Variants in SLIT1 observed in about 807,000 individuals in gnomAD.
SLIT1 encodes the protein slit homolog 1 protein.
Under a neutral mutation model 186.1 loss-of-function variants are expected in SLIT1, and 66 were observed. The observed-to-expected ratio is 0.35, with a 90% CI of 0.29 to 0.44. SLIT1 has a LOEUF of 0.44. Among genes scored for constraint, SLIT1 ranks in the 20% least tolerant of loss-of-function variants. The pLI, the probability that SLIT1 is intolerant of heterozygous loss-of-function variation, is 1.00. For synonymous variants in SLIT1, 761 were observed against 833.8 expected (o/e 0.91, Z 1.50); for missense variants, 1,638 against 2,037.4 (o/e 0.80, Z 3.77).
At chr10:97,058,779 T>C (rs1368182586) in intron 11 of SLIT1, among the ~76,000 whole-genome samples, 1 of 152,150 alleles carries the variant, frequency 6.6e-6, no homozygotes, top group Non-Finnish European at 1.5e-5. Flanking sequence ...AAATGGCCCC[T>C]CCTACAGGGA....
At chr10:97,073,052 C>T (rs1433491045) in intron 4 of SLIT1, among the ~76,000 whole-genome samples, 2 of 152,246 alleles carry the variant, frequency 1.3e-5, no homozygotes, top group Admixed American at 1.3e-4. Context: ...AGAAGCCTTC[C>T]CTGGACCTGG....
intron 4 of SLIT1, among the ~76,000 whole-genome samples, chr10:97,135,095 T>C (rs1182149390): frequency 6.6e-6 from 1 of 151,984 alleles, no homozygotes; most frequent in African/African-American, 2.4e-5. Flanking sequence ...ATATCTGACG[T>C]AGGAAAAGCC....
chr10:97,062,217 G>A (rs1363084562), intron 8 of SLIT1, among the ~76,000 whole-genome samples: 2 of 150,770 alleles, frequency 1.3e-5, no homozygotes, highest in African/African-American at 2.4e-5. Context: ...ACACTCATAC[G>A]CACATCTGCA....
At chr10:97,124,160 TA>T (rs1265169673) in intron 4 of SLIT1, among the ~76,000 whole-genome samples, 5 of 152,238 alleles carry the variant, frequency 3.3e-5, no homozygotes, top group Non-Finnish European at 5.9e-5. Context: ...TGAGTATGCA[TA>T]ACCTTATAAA....
chr10:97,083,250 A>G (rs1849123480), intron 4 of SLIT1, among the ~76,000 whole-genome samples: 1 of 152,184 alleles, frequency 6.6e-6, no homozygotes, highest in African/African-American at 2.4e-5. Context: ...CTATTTTATT[A>G]AAAGTACTCT....
rs1848703287 is a variant in SLIT1, at chr10:97,043,038, T to C, written c.2027A>G (p.Asn676Ser). The change falls in exon 20 of 37, where the codon AAC becomes AGC. Residue 676 changes from asparagine to serine, a missense_variant. Transcript: ENST00000266058. This position sits in a 1 kb window ranked among gnomAD's most constrained non-coding sequence, Gnocchi z 7.0. ...LNLLANPFNC[N>S]CQLAWLGGWL... ...GCCTCCTAGCCAGGCCAGCTGGCAG[T>C]TGCAGTTGAAAGGGTTGGCCAGGAG... The C allele has an allele frequency of 1.9e-6, 3 of 1,614,166 alleles. No individual in the cohort carries two copies. The highest frequency in any genetic ancestry group is 1.7e-6 in the Non-Finnish European group (2 of 1,180,004).
intron 4 of SLIT1, among the ~76,000 whole-genome samples, chr10:97,081,743 G>A (rs963874163): frequency 6.6e-6 from 1 of 152,216 alleles, no homozygotes; most frequent in Non-Finnish European, 1.5e-5. Context: ...AAGGTTTCCA[G>A]TTGGCTGAGG....
At chr10:97,125,243 G>A (rs1849593915) in intron 4 of SLIT1, among the ~76,000 whole-genome samples, 2 of 151,986 alleles carry the variant, frequency 1.3e-5, no homozygotes, top group Non-Finnish European at 1.5e-5. Context: ...TGAGAACACA[G>A]AGTCAGACAA....
chr10:97,129,383 C>CA (rs57535501), intron 4 of SLIT1, among the ~76,000 whole-genome samples: 2,456 of 137,504 alleles, frequency 0.018, 72 homozygotes, highest in African/African-American at 0.062. Context: ...GACTGTGTCT[C>CA]AAAAAAAAAA....
rs780138657 is a variant in SLIT1, at chr10:97,088,002, G to A, written c.414-21916C>T. ...CATCAGAATCTGCCTTTAATAAGGC[G>A]ATTTGTGCGTGCATTCGAGTGGCAC... On this transcript the variant is annotated intron_variant, in intron 4 of 36. Transcript: ENST00000266058. Among the ~76,000 whole-genome samples, 4 of 152,040 alleles carry A rather than the reference G, an allele frequency of 2.6e-5. No homozygotes were observed. In the East Asian group the frequency reaches 5.8e-4, roughly 22 times the overall value.
At chr10:97,061,421 C>A (rs1848893062) in intron 8 of SLIT1, among the ~76,000 whole-genome samples, 1 of 152,216 alleles carries the variant, frequency 6.6e-6, no homozygotes, top group African/African-American at 2.4e-5. Flanking sequence ...GGGACCACTA[C>A]CTAGACATAG....
chr10:97,158,747 G>A (rs1849986856), intron 3 of SLIT1, among the ~76,000 whole-genome samples: 1 of 151,902 alleles, frequency 6.6e-6, no homozygotes, highest in African/African-American at 2.4e-5. Context: ...AGGCATGATG[G>A]CATGCACCTG....
At chr10:97,139,995 T>C (rs151050539) in intron 4 of SLIT1, among the ~76,000 whole-genome samples, 1 of 152,272 alleles carries the variant, frequency 6.6e-6, no homozygotes, top group Non-Finnish European at 1.5e-5. Context: ...TTCTGGCACT[T>C]AGCCTGAAGC....
At position 97,014,174 on chromosome 10, in the gene SLIT1, G is replaced by T. The variant is rs749871708; in HGVS notation, c.2970-16C>A. 1.9e-6 allele frequency: 3 copies of T among 1,612,194 alleles called. No homozygotes were observed. The highest frequency in any genetic ancestry group is 2.5e-6 in the Non-Finnish European group (3 of 1,179,962). On this transcript the variant is annotated splice_polypyrimidine_tract_variant and intron_variant, in intron 28 of 36. Transcript: ENST00000266058. ...ACAGGAGCACCTGTGCGGGGAAGGG[G>T]AGGATGGAGAGACAGCCCTCTTGGA...
At chr10:97,117,627 AT>A (rs1292995313) in intron 4 of SLIT1, among the ~76,000 whole-genome samples, 1 of 152,188 alleles carries the variant, frequency 6.6e-6, no homozygotes, top group Non-Finnish European at 1.5e-5. Context: ...GAGTATATAA[AT>A]AATCTCTTCG....
At chr10:97,073,148 T>C (rs1423820024) in intron 4 of SLIT1, among the ~76,000 whole-genome samples, 1 of 152,206 alleles carries the variant, frequency 6.6e-6, no homozygotes, top group African/African-American at 2.4e-5. Context: ...ACCTTGCCAA[T>C]ACTTGTCTCA....
Position 96,998,194 on chromosome 10 carries a change from C to A in SLIT1, c.*2918G>T, listed in dbSNP as rs757289770. 1 of 152,254 alleles carries A rather than the reference C, an allele frequency of 6.6e-6. No individual in the cohort carries two copies. The highest frequency in any genetic ancestry group is 1.5e-5 in the Non-Finnish European group (1 of 68,054). 9.4% of individuals were successfully genotyped at this position (152,254 alleles called of 1,614,324 possible). A position where few individuals can be genotyped will look rare whatever the true frequency, so the allele number is the denominator to read the frequency against. On this transcript the variant is annotated 3_prime_UTR_variant, in exon 37 of 37. Transcript: ENST00000266058. ...ACAAGACGACTACAGAAACCCCCAA[C>A]AAAACGTGCCACGACCACATAGCAT...
intron 23 of SLIT1, among the ~76,000 whole-genome samples, chr10:97,032,044 G>A (rs1848596118): frequency 6.6e-6 from 1 of 152,252 alleles, no homozygotes; most frequent in South Asian, 2.1e-4. Flanking sequence ...CATTCCCTAA[G>A]GGGCTGCCCC....
intron 22 of SLIT1, among the ~76,000 whole-genome samples, chr10:97,035,513 T>C (rs1482532891): frequency 3.3e-5 from 5 of 152,212 alleles, no homozygotes; most frequent in Non-Finnish European, 7.3e-5. Context: ...GTGGCCCTGG[T>C]CACCTCTCGC....
Sources: allele counts gnomAD v4.1 joint callset (sites outside exome capture counted in the v4.1 genomes callset), GRCh38; gene constraint gnomAD v4.1.1; non-coding constraint Gnocchi (gnomAD v3.1); transcripts MANE v1.5; gene names NCBI Gene and HGNC (gene_info 2026-07-23, HGNC 2026-07-21).